BTBD9: variants seen among roughly 807,000 people sequenced by gnomAD.
BTBD9 encodes the protein BTB domain containing 9.
Under a neutral mutation model 64.3 loss-of-function variants are expected in BTBD9, and 49 were observed. That is an observed-to-expected ratio of 0.76 (90% CI 0.61 to 0.97). The LOEUF (loss-of-function observed/expected upper bound fraction) is 0.97, where lower values mean the gene tolerates loss of function less well. Among genes scored for constraint, BTBD9 ranks in the 50% least tolerant of loss-of-function variants. The pLI is 0.00. For missense variants in BTBD9, 598 were observed against 762.1 expected (o/e 0.78, Z 2.53); for synonymous variants, 260 against 274.7 (o/e 0.95, Z 0.53).
At chr6:38,503,425 CCT>C (rs1355256538) in intron 6 of BTBD9, among the ~76,000 whole-genome samples, 1 of 152,044 alleles carries the variant, frequency 6.6e-6, no homozygotes, top group East Asian at 1.9e-4. Context: ...CCCTCTCCAA[CCT>C]CTCTCTCTCC....
intron 4 of BTBD9, among the ~76,000 whole-genome samples, chr6:38,583,229 G>A (rs1253311827): frequency 3.3e-5 from 5 of 152,226 alleles, no homozygotes; most frequent in Admixed American, 2.0e-4. Flanking sequence ...TGGGCACGGT[G>A]GCTCATGCCT....
Position 38,227,024 on chromosome 6 carries a change from C to T in BTBD9, c.1562+29385G>A, listed in dbSNP as rs551188543. Among the ~76,000 whole-genome samples the T allele has an allele frequency of 2.0e-3, 303 of 152,300 alleles. 1 individual carries two copies. The highest frequency in any genetic ancestry group is 3.4e-3 in the Middle Eastern group (1 of 294). On this transcript the variant is annotated intron_variant, in intron 9 of 10. Coordinates refer to ENST00000481247, the MANE Select transcript of BTBD9 (RefSeq NM_001099272.2). ...AATTTGACCCAGCATTTTACAGTGG[C>T]GACTAGCAGAGGCTGGGGCAATGTG...
intron 6 of BTBD9, among the ~76,000 whole-genome samples, chr6:38,536,084 C>T (rs561068721): frequency 6.6e-5 from 10 of 152,204 alleles, no homozygotes; most frequent in East Asian, 5.8e-4. Flanking sequence ...AAAATATCTG[C>T]AAACTATCCA....
At chr6:38,356,652 T>C (rs986935457) in intron 6 of BTBD9, among the ~76,000 whole-genome samples, 4 of 152,210 alleles carry the variant, frequency 2.6e-5, no homozygotes, top group African/African-American at 7.2e-5. Context: ...CAGATTAGTT[T>C]CCTCACATGT....
chr6:38,329,621 C>T (rs939145592), intron 7 of BTBD9, among the ~76,000 whole-genome samples: 10 of 152,034 alleles, frequency 6.6e-5, no homozygotes, highest in Non-Finnish European at 1.3e-4. Flanking sequence ...CGGCGCCCTG[C>T]CTAAAGACTC....
At chr6:38,379,683 G>A (rs1010170563) in intron 6 of BTBD9, among the ~76,000 whole-genome samples, 55 of 152,094 alleles carry the variant, frequency 3.6e-4, no homozygotes, top group Admixed American at 2.7e-3. Flanking sequence ...GTGTAAAAAA[G>A]ATTATCAATA....
intron 5 of BTBD9, among the ~76,000 whole-genome samples, chr6:38,578,428 A>G (rs1458579935): frequency 6.6e-6 from 1 of 152,196 alleles, no homozygotes; most frequent in Non-Finnish European, 1.5e-5. Context: ...GAACAAATCT[A>G]TATTCCCCTG....
rs771737210 is a variant in BTBD9, at chr6:38,222,254, G to GTTTTTTTTTTTTT, written c.1563-29658_1563-29657insAAAAAAAAAAAAA. On this transcript the variant is annotated intron_variant, in intron 9 of 10. Coordinates refer to ENST00000481247, the MANE Select transcript of BTBD9 (RefSeq NM_001099272.2). Reference sequence around the variant, plus strand: ...TAAATTAGCCTTAATAATTCATTCAGTTGTTTTTTTTTTTTTTTTTTTTTT... The same window carrying GTTTTTTTTTTTTT: ...TAAATTAGCCTTAATAATTCATTCAGTTTTTTTTTTTTTTTGTTTTTTTTTTTTTTTTTTTTTT... Among the ~76,000 whole-genome samples, 3 of 96,702 alleles carry GTTTTTTTTTTTTT rather than the reference G, an allele frequency of 3.1e-5. 1 individual carries two copies. The highest frequency in any genetic ancestry group is 1.9e-5 in the Non-Finnish European group (1 of 52,558). The allele number at this position is 96,702 out of a possible 152,430, so 63.4% of individuals were successfully genotyped here.
At chr6:38,557,118 T>A (rs1751086955) in intron 6 of BTBD9, among the ~76,000 whole-genome samples, 1 of 123,262 alleles carries the variant, frequency 8.1e-6, no homozygotes, top group Admixed American at 9.5e-5. Flanking sequence ...GAGGCCACGG[T>A]GGGCAGATCA....
chr6:38,466,545 G>A (rs367553344), intron 6 of BTBD9, among the ~76,000 whole-genome samples: 2 of 151,124 alleles, frequency 1.3e-5, no homozygotes, highest in South Asian at 2.1e-4. Context: ...TGCCCTCCTC[G>A]GCCTCCCAAA....
At chr6:38,329,502 T>C (rs1763591304) in intron 7 of BTBD9, among the ~76,000 whole-genome samples, 1 of 151,966 alleles carries the variant, frequency 6.6e-6, no homozygotes, top group Non-Finnish European at 1.5e-5. Flanking sequence ...TTTGTATTTT[T>C]GGTAGAGGCG....
chr6:38,251,169 CAT>C (rs931438968), intron 9 of BTBD9, among the ~76,000 whole-genome samples: 1 of 138,684 alleles, frequency 7.2e-6, no homozygotes, highest in African/African-American at 2.5e-5. Flanking sequence ...ACTAAAAAAA[CAT>C]AACAAAAATG....
chr6:38,169,906 AAG>A lies in BTBD9; in HGVS notation c.*5077_*5078del, dbSNP rs1554123897. 1.1e-4 allele frequency: 16 copies of A among 151,390 alleles called. No individual in the cohort carries two copies. The highest frequency in any genetic ancestry group is 3.6e-4 in the African/African-American group (15 of 41,188). The allele number at this position is 151,390 out of a possible 1,614,324, so 9.4% of individuals were successfully genotyped here. A position where few individuals can be genotyped will look rare whatever the true frequency, so the allele number is the denominator to read the frequency against. On this transcript the variant is annotated 3_prime_UTR_variant, in exon 11 of 11. Coordinates refer to ENST00000481247, the MANE Select transcript of BTBD9 (RefSeq NM_001099272.2). ...GGGACTATTTCAGTTCTTTAAAAAA[AAG>A]AAGACACGAAGCTGATGGGGCAGGA...
At chr6:38,553,065 C>A (rs751132611) in intron 6 of BTBD9, among the ~76,000 whole-genome samples, 2 of 152,184 alleles carry the variant, frequency 1.3e-5, no homozygotes, top group Non-Finnish European at 2.9e-5. Flanking sequence ...ATTACTTATA[C>A]CTAACACAAT....
intron 6 of BTBD9, among the ~76,000 whole-genome samples, chr6:38,471,227 G>GACCT (rs1770637058): frequency 6.6e-6 from 1 of 152,146 alleles, no homozygotes; most frequent in Non-Finnish European, 1.5e-5. Context: ...AGCTCTGGGT[G>GACCT]ACCTAACTGG....
rs558270264 is a variant in BTBD9 at position 38,449,728 on chromosome 6, G to A, written c.1155-104635C>T. 6.6e-5 allele frequency among the ~76,000 whole-genome samples: 10 copies of A among 151,880 alleles called. No homozygotes were observed. The South Asian group carries it at 2.1e-3, about 32-fold the overall frequency. On this transcript the variant is annotated intron_variant, in intron 6 of 10. Transcript: ENST00000481247. ...GAGACCAGTCTGGGCAACGTAGTGAGACCTCATCTCTATTTTTTTAAAAAA... is the reference window on the plus strand; with the variant it reads ...GAGACCAGTCTGGGCAACGTAGTGAAACCTCATCTCTATTTTTTTAAAAAA...
intron 6 of BTBD9, among the ~76,000 whole-genome samples, chr6:38,415,179 C>A (rs1767610636): frequency 6.6e-6 from 1 of 152,064 alleles, no homozygotes; most frequent in Non-Finnish European, 1.5e-5. Context: ...ATCCTACTCC[C>A]CAAAATCTGT....
chr6:38,628,887 G>A (rs893398065), intron 1 of BTBD9, among the ~76,000 whole-genome samples: 2 of 152,066 alleles, frequency 1.3e-5, no homozygotes, highest in African/African-American at 4.8e-5. Context: ...CTGATTCCAG[G>A]GAAGGGGTAG....
rs13200794 is a variant in BTBD9, at chr6:38,424,351, C to T, written c.1155-79258G>A. Among the ~76,000 whole-genome samples, 562 of 151,976 alleles carry T rather than the reference C, an allele frequency of 3.7e-3. 7 individuals carry two copies. The highest frequency in any genetic ancestry group is 0.01 in the Middle Eastern group (3 of 294). On this transcript the variant is annotated intron_variant, in intron 6 of 10. Coordinates refer to ENST00000481247, the MANE Select transcript of BTBD9 (RefSeq NM_001099272.2). Reference sequence around the variant, plus strand: ...AATTTGGAAGCAATTGGGAAATTCTCTGTGATACAGAAAAAATATAATACC... The same window carrying T: ...AATTTGGAAGCAATTGGGAAATTCTTTGTGATACAGAAAAAATATAATACC...
Sources: gnomAD v4.1 joint callset for allele counts (sites outside exome capture counted in the v4.1 genomes callset) on GRCh38, gnomAD v4.1.1 for gene constraint, MANE v1.5 for transcripts, NCBI Gene and HGNC (gene_info 2026-07-23, HGNC 2026-07-21) for gene names.